MIB2: variants seen among roughly 807,000 people sequenced by gnomAD.
MIB2 encodes the protein MIB E3 ubiquitin protein ligase 2.
A neutral mutation model predicts 96.6 loss-of-function variants in MIB2; 78 were observed. That is an observed-to-expected ratio of 0.81 (90% CI 0.67 to 0.97). The LOEUF (loss-of-function observed/expected upper bound fraction) is 0.97. Among genes scored for constraint, MIB2 ranks in the 50% least tolerant of loss-of-function variants. The pLI is 0.00. For synonymous variants in MIB2, 820 were observed against 629.5 expected (o/e 1.30, Z -4.53); for missense variants, 1,543 against 1,424.0 (o/e 1.08, Z -1.35).
Position 1,625,862 on chromosome 1 carries a change from G to A in MIB2, c.972+209G>A. ...TGTGAAGGAACCCAGAGGAGGGTATGTCTCTGGGAGCTGGAATGGGCAGGT... is the reference window on the plus strand; with the variant it reads ...TGTGAAGGAACCCAGAGGAGGGTATATCTCTGGGAGCTGGAATGGGCAGGT... On this transcript the variant is annotated intron_variant, in intron 8 of 19. Transcript: ENST00000355826. This position sits in a 1 kb window ranked among gnomAD's most constrained non-coding sequence, Gnocchi z 5.0. 1 of 587,762 alleles carries A rather than the reference G, an allele frequency of 1.7e-6. No homozygotes were observed. The highest frequency in any genetic ancestry group is 3.0e-6 in the Non-Finnish European group (1 of 328,524). 36.4% of individuals were successfully genotyped at this position (587,762 alleles called of 1,614,324 possible).
chr1:1,615,294 C>G (rs923483711), upstream of MIB2: 1 of 1,342,400 alleles, frequency 7.4e-7, no homozygotes, highest in Non-Finnish European at 9.6e-7. Context: ...CCCAAGCCCC[C>G]GTCTCTATGG....
Position 1,616,633 on chromosome 1 carries a change from G to A in MIB2, c.-23+19G>A, listed in dbSNP as rs1167539863. On this transcript the variant is annotated intron_variant, in intron 2 of 19. Transcript: ENST00000355826. ...CGGACAGGTGAGCTCTTGATCGTCC[G>A]CGGCCTGATAGTTTGCACTTGGCTC... The A allele has an allele frequency of 1.3e-5, 21 of 1,560,130 alleles. No homozygotes were observed. The highest frequency in any genetic ancestry group is 1.8e-5 in the Non-Finnish European group (21 of 1,151,172).
Position 1,626,344 on chromosome 1 carries a change from G to T in MIB2, c.973-306G>T. 2.3e-6 allele frequency: 1 copy of T among 427,896 alleles called. No individual in the cohort carries two copies. The highest frequency in any genetic ancestry group is 4.1e-5 in the Admixed American group (1 of 24,670). The allele number at this position is 427,896 out of a possible 1,614,324, so 26.5% of individuals were successfully genotyped here. A position where few individuals can be genotyped will look rare whatever the true frequency, so the allele number is the denominator to read the frequency against. ...CTGGCTCACGGGCCCTGGCCATGTT[G>T]CCTGCTGCTGGTCAGCGTACAGCTT... On this transcript the variant is annotated intron_variant, in intron 8 of 19. Transcript: ENST00000355826. This position sits in a 1 kb window ranked among gnomAD's most constrained non-coding sequence, Gnocchi z 5.3.
At chr1:1,623,212 C>T in intron 2 of MIB2, 1 of 740,738 alleles carries the variant, frequency 1.3e-6, no homozygotes, top group Non-Finnish European at 2.1e-6. Flanking sequence ...AGTTCCCGCG[C>T]CAGGCTGGCA....
In MIB2 at chr1:1,629,050, G is replaced by A. The variant is rs1428008819; in HGVS notation, c.2203-83G>A. ...GTATTTTAGACATGGGGCGCCGGCT[G>A]CTGGGGCTGCCAGGTGCCAGGAGAC... On this transcript the variant is annotated intron_variant, in intron 16 of 19. Coordinates refer to ENST00000355826, the MANE Select transcript of MIB2 (RefSeq NM_001170687.4). 9 of 1,326,622 alleles carry A rather than the reference G, an allele frequency of 6.8e-6. No individual in the cohort carries two copies. The Admixed American group carries it at 2.2e-4, about 32-fold the overall frequency. The allele number at this position is 1,326,622 out of a possible 1,614,324, so 82.2% of individuals were successfully genotyped here.
rs1409189804 is a variant in MIB2, at chr1:1,627,010, G to A, written c.1240+11G>A. 1 of 1,609,516 alleles carries A rather than the reference G, an allele frequency of 6.2e-7. No individual in the cohort carries two copies. The highest frequency in any genetic ancestry group is 8.5e-7 in the Non-Finnish European group (1 of 1,178,586). ...CCCGGGAGAACAAAAGTGCGGCACA[G>A]CTCAGGCGGCCAGTGGGAGGTGGGG... is the stretch of plus-strand genomic sequence containing the variant. On this transcript the variant is annotated intron_variant, in intron 10 of 19. Transcript: ENST00000355826.
At chr1:1,616,345 G>T (rs969798612) in intron 1 of MIB2, 163 bp from the exon 2 acceptor site, 1 of 541,228 alleles carries the variant, frequency 1.8e-6, no homozygotes, top group East Asian at 3.8e-5. Context: ...GCTCCTGCGC[G>T]CTCAGACCCC....
At chr1:1,616,645 T>C in intron 2 of MIB2, 31 bp downstream of exon 2, 1 of 1,532,920 alleles carries the variant, frequency 6.5e-7, no homozygotes, top group Non-Finnish European at 8.8e-7. Flanking sequence ...GGCCTGATAG[T>C]TTGCACTTGG....
Position 1,626,561 on chromosome 1 carries a change from G to GT in MIB2, c.973-88dup. 8.7e-7 allele frequency: 1 copy of GT among 1,150,368 alleles called. No individual in the cohort carries two copies. Among genetic ancestry groups the GT allele is most frequent in the Non-Finnish European group, 1.2e-6 (1 of 829,874 alleles). The allele number at this position is 1,150,368 out of a possible 1,614,324, so 71.3% of individuals were successfully genotyped here. On this transcript the variant is annotated intron_variant, in intron 8 of 19. Coordinates refer to ENST00000355826, the MANE Select transcript of MIB2 (RefSeq NM_001170687.4). The surrounding 1 kb of genome is among the most constrained non-coding windows in gnomAD (Gnocchi z 5.3). ...GGGCCGAGTCAGGCCTGCCTGTCTC[G>GT]TGGAGCTCAGCAGGTTGCCCTCCTG...
At position 1,627,642 on chromosome 1, in the gene MIB2, G is replaced by A. The variant is rs745371524; in HGVS notation, c.1524-31G>A. ...TGTGCGTCCAGCCACCGGGCCCGGC[G>A]CCCTCCCTCTCCCACTTCCTCTCCT... On this transcript the variant is annotated intron_variant, in intron 12 of 19. Transcript: ENST00000355826. The A allele has an allele frequency of 1.3e-5, 20 of 1,576,588 alleles. No homozygotes were observed. The Admixed American group carries it at 1.4e-4, about 11-fold the overall frequency.
intron 2 of MIB2, among the ~76,000 whole-genome samples, chr1:1,620,325 C>T (rs1292229835): frequency 2.0e-5 from 3 of 152,142 alleles, no homozygotes; most frequent in African/African-American, 7.2e-5. Context: ...GTCCCAAGTC[C>T]TTCATCTCCA....
At chr1:1,627,994 G>C in intron 13 of MIB2, 25 bp from the exon 14 acceptor site, 1 of 1,611,388 alleles carries the variant, frequency 6.2e-7, no homozygotes, top group South Asian at 1.1e-5. Context: ...TCACCCCCAG[G>C]TGACCACTGA....
intron 19 of MIB2, among the ~76,000 whole-genome samples, 158 bp from the exon 20 acceptor site, chr1:1,630,134 C>G (rs1277553904): frequency 6.7e-6 from 1 of 150,172 alleles, no homozygotes; most frequent in Non-Finnish European, 1.5e-5. Flanking sequence ...CACCCGGGCC[C>G]CACCTCTGCC....
chr1:1,624,683 GCAGGCTGGGTGGA>G, intron 4 of MIB2, 99 bp from the exon 5 acceptor site: 1 of 1,018,064 alleles, frequency 9.8e-7, no homozygotes. Flanking sequence ...GCGGAGCCCA[GCAGGCTGGGTGGA>G]CAGGGGGCCT....
rs371332106 is a variant in MIB2, at chr1:1,628,403, C to G, written c.1968+4C>G. On this transcript the variant is annotated splice_donor_region_variant and intron_variant, in intron 15 of 19. Transcript: ENST00000355826. ...GGCCCAGATCCTCATCCGGGAGGTGCGGACGCGGCCCAGTCCTGCCCAAGG... is the reference window on the plus strand; with the variant it reads ...GGCCCAGATCCTCATCCGGGAGGTGGGGACGCGGCCCAGTCCTGCCCAAGG... 39 of 1,610,810 alleles carry G rather than the reference C, an allele frequency of 2.4e-5. No homozygotes were observed. In the South Asian group the frequency reaches 4.1e-4, roughly 17 times the overall value.
upstream of MIB2, chr1:1,615,443 G>C: frequency 6.6e-7 from 1 of 1,503,962 alleles, no homozygotes; most frequent in South Asian, 1.3e-5. Context: ...GCCCATCCCC[G>C]TGGCGGGGGC....
chr1:1,626,529 G>C lies in MIB2; in HGVS notation c.973-121G>C. 1 of 794,212 alleles carries C rather than the reference G, an allele frequency of 1.3e-6. No individual in the cohort carries two copies. Among genetic ancestry groups the C allele is most frequent in the South Asian group, 2.0e-5 (1 of 50,814 alleles). 49.2% of individuals were successfully genotyped at this position (794,212 alleles called of 1,614,324 possible). ...TCTGGCAGTGCCTGGGGTCGGGGTCGGGGCCGGGGCCGAGTCAGGCCTGCC... is the reference window on the plus strand; with the variant it reads ...TCTGGCAGTGCCTGGGGTCGGGGTCCGGGCCGGGGCCGAGTCAGGCCTGCC... On this transcript the variant is annotated intron_variant, in intron 8 of 19. Coordinates refer to ENST00000355826, the MANE Select transcript of MIB2 (RefSeq NM_001170687.4). This position sits in a 1 kb window ranked among gnomAD's most constrained non-coding sequence, Gnocchi z 5.3.
chr1:1,616,254 G>A (rs1643654706), intron 1 of MIB2: 1 of 426,830 alleles, frequency 2.3e-6, no homozygotes, highest in Admixed American at 5.9e-5. Flanking sequence ...CGGCGCCCGT[G>A]CGCGTCCCGG....
intron 2 of MIB2, chr1:1,617,948 T>C (rs1419696197): frequency 1.3e-5 from 2 of 152,274 alleles, no homozygotes; most frequent in Non-Finnish European, 2.9e-5. Flanking sequence ...AGATACCCAT[T>C]GTGGGGCAGC....
Sources: gnomAD v4.1 joint callset for allele counts (sites outside exome capture counted in the v4.1 genomes callset) on GRCh38, gnomAD v4.1.1 for gene constraint, Gnocchi (gnomAD v3.1) non-coding constraint, MANE v1.5 for transcripts, NCBI Gene and HGNC (gene_info 2026-07-23, HGNC 2026-07-21) for gene names.